Variants in IL15 observed in about 807,000 individuals in gnomAD.
IL15 encodes the protein interleukin-15.
Under a neutral mutation model 19.6 loss-of-function variants are expected in IL15, and 11 were observed. That is an observed-to-expected ratio of 0.56 (90% CI 0.35 to 0.93). The LOEUF (loss-of-function observed/expected upper bound fraction) is 0.93, where lower values mean the gene tolerates loss of function less well. Ranked by LOEUF, IL15 falls within the 40% of genes least tolerant of loss-of-function variation. The pLI, the probability that IL15 is intolerant of heterozygous loss-of-function variation, is 0.01. For synonymous variants in IL15, 58 were observed against 59.6 expected (o/e 0.97, Z 0.12); for missense variants, 197 against 186.5 (o/e 1.06, Z -0.33).
At chr4:141,693,016 C>CAAAAA (rs70949131) in intron 2 of IL15, among the ~76,000 whole-genome samples, 321 of 23,232 alleles carry the variant, frequency 0.014, 53 homozygotes, top group Admixed American at 0.027. Context: ...GACTCCGTCT[C>CAAAAA]AAAAAAAAAA....
chr4:141,642,664 G>A (rs1007856086), intron 1 of IL15, among the ~76,000 whole-genome samples: 8 of 152,280 alleles, frequency 5.3e-5, no homozygotes, highest in Admixed American at 2.0e-4. Context: ...TTGCCTCAGT[G>A]TCCAGACACA....
At chr4:141,728,779 G>A (rs1326983253) in intron 6 of IL15, among the ~76,000 whole-genome samples, 1 of 152,034 alleles carries the variant, frequency 6.6e-6, no homozygotes, top group Non-Finnish European at 1.5e-5. Flanking sequence ...GCTGCACAAA[G>A]AAATTGTCTC....
At chr4:141,697,716 G>T (rs1729148267) in intron 2 of IL15, among the ~76,000 whole-genome samples, 1 of 151,750 alleles carries the variant, frequency 6.6e-6, no homozygotes, top group Non-Finnish European at 1.5e-5. Flanking sequence ...CCTTGTAGAG[G>T]TCTTTCACCT....
intron 2 of IL15, among the ~76,000 whole-genome samples, chr4:141,666,264 G>A (rs886456136): frequency 3.9e-5 from 6 of 151,916 alleles, no homozygotes; most frequent in Non-Finnish European, 8.8e-5. Flanking sequence ...CTAGGTCCCC[G>A]GGCGTGGTGG....
At chr4:141,699,950 C>G (rs971829562) in intron 2 of IL15, among the ~76,000 whole-genome samples, 2 of 151,944 alleles carry the variant, frequency 1.3e-5, no homozygotes, top group Admixed American at 1.3e-4. Context: ...TGGAGTTACC[C>G]TCTTGTCGCA....
chr4:141,664,237 C>T (rs1293844798), intron 2 of IL15, among the ~76,000 whole-genome samples: 1 of 151,636 alleles, frequency 6.6e-6, no homozygotes, highest in African/African-American at 2.4e-5. Context: ...TTTCAAAAAC[C>T]CCCAAATAAC....
At chr4:141,654,772 A>C (rs577498274) in intron 1 of IL15, among the ~76,000 whole-genome samples, 71 of 152,316 alleles carry the variant, frequency 4.7e-4, no homozygotes, top group African/African-American at 1.7e-3. Context: ...CTTGGGGCGA[A>C]GGTGCATAAG....
Position 141,730,070 on chromosome 4 carries a change from T to C in IL15, c.378+86T>C. On this transcript the variant is annotated intron_variant, in intron 7 of 7. Transcript: ENST00000320650. Reference sequence around the variant, plus strand: ...TCATTCATGGACAAGCAGATCCTCCTAAGGGGCAATCAGGAGAAGGAGTCC... The same window carrying C: ...TCATTCATGGACAAGCAGATCCTCCCAAGGGGCAATCAGGAGAAGGAGTCC... The C allele has an allele frequency of 2.9e-6, 3 of 1,043,492 alleles. 1 individual carries two copies. Among genetic ancestry groups the C allele is most frequent in the East Asian group, 4.7e-5 (2 of 42,106 alleles). 64.6% of individuals were successfully genotyped at this position (1,043,492 alleles called of 1,614,324 possible). A position where few individuals can be genotyped will look rare whatever the true frequency, so the allele number is the denominator to read the frequency against.
chr4:141,672,697 C>G (rs1728213574), intron 2 of IL15, among the ~76,000 whole-genome samples: 1 of 152,176 alleles, frequency 6.6e-6, no homozygotes, highest in East Asian at 1.9e-4. Flanking sequence ...GAACTGTAGA[C>G]TTTAAATACG....
At position 141,719,384 on chromosome 4, in the gene IL15, T is replaced by C; in HGVS notation, c.-81T>C. ...ACCCTAGATTGTATTGTAGGAGGCA[T>C]TGTGGATGGATGGCTGCTGGAAACC... On this transcript the variant is annotated 5_prime_UTR_variant, in exon 3 of 8. Transcript: ENST00000320650. 1 of 725,216 alleles carries C rather than the reference T, an allele frequency of 1.4e-6. No homozygotes were observed. The highest frequency in any genetic ancestry group is 1.6e-5 in the South Asian group (1 of 63,180). 44.9% of individuals were successfully genotyped at this position (725,216 alleles called of 1,614,324 possible). A position where few individuals can be genotyped will look rare whatever the true frequency, so the allele number is the denominator to read the frequency against.
At chr4:141,706,752 C>G (rs1161133282) in intron 2 of IL15, among the ~76,000 whole-genome samples, 1 of 151,356 alleles carries the variant, frequency 6.6e-6, no homozygotes, top group Admixed American at 6.6e-5. Context: ...TCATGCCATT[C>G]TCTCCTAGTC....
At position 141,721,938 on chromosome 4, in the gene IL15, G is replaced by A; in HGVS notation, c.125G>A (p.Gly42Glu). 6.3e-7 allele frequency: 1 copy of A among 1,588,434 alleles called. No individual in the cohort carries two copies. Among genetic ancestry groups the A allele is most frequent in the Non-Finnish European group, 8.6e-7 (1 of 1,161,258 alleles). ...HVFILGCFSA[G>E]LPKTEANWVN... Reference sequence around the variant, plus strand: ...TTTTCTTTCAGCTGTTTCAGTGCAGGGCTTCCTAAAACAGAAGCCAACTGG... The same window carrying A: ...TTTTCTTTCAGCTGTTTCAGTGCAGAGCTTCCTAAAACAGAAGCCAACTGG... Residue 42 changes from glycine to glutamate, a missense_variant, in exon 5 of 8, where the codon GGG becomes GAG. By Grantham distance (98) the Gly-to-Glu change is moderately conservative. Transcript: ENST00000320650.
At chr4:141,687,528 A>G (rs1230087397) in intron 2 of IL15, among the ~76,000 whole-genome samples, 1 of 152,138 alleles carries the variant, frequency 6.6e-6, no homozygotes, top group Non-Finnish European at 1.5e-5. Flanking sequence ...TACTTCCTCA[A>G]TATAGGCAGT....
chr4:141,710,980 G>T (rs991971376), intron 2 of IL15, among the ~76,000 whole-genome samples: 1 of 151,984 alleles, frequency 6.6e-6, no homozygotes, highest in Admixed American at 6.6e-5. Flanking sequence ...AAAGTACATG[G>T]CTAAATCACT....
intron 2 of IL15, among the ~76,000 whole-genome samples, chr4:141,696,170 C>T (rs1445392595): frequency 6.6e-6 from 1 of 152,026 alleles, no homozygotes; most frequent in Admixed American, 6.6e-5. Flanking sequence ...TGCAATTTTC[C>T]AGCACCATTT....
At chr4:141,694,582 C>G (rs964621228) in intron 2 of IL15, among the ~76,000 whole-genome samples, 1 of 152,162 alleles carries the variant, frequency 6.6e-6, no homozygotes, top group African/African-American at 2.4e-5. Flanking sequence ...ATAGAAATAA[C>G]TGGAGAAGCC....
chr4:141,656,078 GT>G, intron 1 of IL15, 107 bp from the exon 2 acceptor site: 1 of 394,988 alleles, frequency 2.5e-6, no homozygotes, highest in Non-Finnish European at 4.5e-6. Flanking sequence ...GAGTCTTCCT[GT>G]TTTTTTATAG....
intron 2 of IL15, among the ~76,000 whole-genome samples, chr4:141,675,173 G>A (rs1344568648): frequency 1.3e-5 from 2 of 151,332 alleles, no homozygotes; most frequent in Non-Finnish European, 2.9e-5. Context: ...CAGATGAACA[G>A]TGTAGCCTAG....
intron 2 of IL15, chr4:141,688,847 C>T (rs754878689): frequency 6.2e-5 from 10 of 161,834 alleles, no homozygotes; most frequent in South Asian, 5.9e-4. Flanking sequence ...CCACTGTGTC[C>T]GGAATTGATG....
Sources: allele counts gnomAD v4.1 joint callset (sites outside exome capture counted in the v4.1 genomes callset), GRCh38; gene constraint gnomAD v4.1.1; transcripts MANE v1.5; gene names NCBI Gene and HGNC (gene_info 2026-07-23, HGNC 2026-07-21).